The following PRPF6 variants were observed in gnomAD, a reference collection of about 807,000 sequenced individuals.
PRPF6 encodes pre-mRNA-processing factor 6.
A neutral mutation model predicts 118.3 loss-of-function variants in PRPF6; 42 were observed. The observed-to-expected ratio is 0.35, with a 90% CI of 0.28 to 0.46. The LOEUF (loss-of-function observed/expected upper bound fraction) is 0.46, where lower values mean the gene tolerates loss of function less well. Among genes scored for constraint, PRPF6 ranks in the 20% least tolerant of loss-of-function variants. PRPF6 has a pLI of 1.00. For missense variants in PRPF6, 662 were observed against 1,255.7 expected, an observed-to-expected ratio of 0.53 and a Z score of 7.15; for synonymous variants, 481 against 485.1, an observed-to-expected ratio of 0.99 and a Z score of 0.11.
chr20:63,998,820 C>G (rs917695123), intron 6 of PRPF6, among the ~76,000 whole-genome samples: 1 of 146,986 alleles, frequency 6.8e-6, no homozygotes, highest in Admixed American at 6.9e-5. Context: ...CCAGCCTGGG[C>G]GACAGAGCGA....
chr20:64,033,014 G>A lies in PRPF6; in HGVS notation c.*21G>A. On this transcript the variant is annotated 3_prime_UTR_variant, in exon 21 of 21. Transcript: ENST00000266079. ...TCTGATTGAGCGGTTGCCATGGCCG[G>A]TCTCCGTGGGGCAGGGTTGGGCCGC... 3 of 1,612,884 alleles carry A rather than the reference G, an allele frequency of 1.9e-6. No individual in the cohort carries two copies. The highest frequency in any genetic ancestry group is 2.2e-5 in the East Asian group (1 of 44,886).
At chr20:63,987,335 T>C (rs1161010139) in intron 3 of PRPF6, among the ~76,000 whole-genome samples, 2 of 151,858 alleles carry the variant, frequency 1.3e-5, no homozygotes, top group Admixed American at 6.6e-5. Context: ...GGTAAAACCC[T>C]GTCTCTACTA....
At chr20:64,008,750 T>C (rs1259949972) in intron 9 of PRPF6, among the ~76,000 whole-genome samples, 1 of 152,230 alleles carries the variant, frequency 6.6e-6, no homozygotes, top group Non-Finnish European at 1.5e-5. Context: ...CTTTCAACTT[T>C]CGGGATGATG....
chr20:63,983,243 C>T (rs1412060133), intron 2 of PRPF6, 28 bp downstream of exon 2: 5 of 1,613,884 alleles, frequency 3.1e-6, no homozygotes, highest in Non-Finnish European at 4.2e-6. Context: ...TTCGTGGCTC[C>T]TCCAGCCAGT....
At position 64,001,127 on chromosome 20, in the gene PRPF6, C is replaced by G. The variant is rs904577553; in HGVS notation, c.1074C>G (p.Ala358=). The change falls in exon 9 of 21, where the codon GCC becomes GCG. Residue 358 remains alanine (A), a synonymous_variant. Transcript: ENST00000266079. ...CCAGGTTGCAGCCTGGGGACACAGC[C>G]AAGGCCGTGGTAGCCCAAGCTGTCC... ...EAARLQPGDT[A]KAVVAQAVRH... is the part of the protein sequence containing the mutation. The G allele has an allele frequency of 2.5e-6, 4 of 1,614,080 alleles. No individual in the cohort carries two copies. The highest frequency in any genetic ancestry group is 2.7e-5 in the African/African-American group (2 of 74,942).
chr20:64,025,434 G>A (rs1212093070), intron 14 of PRPF6, among the ~76,000 whole-genome samples: 2 of 152,344 alleles, frequency 1.3e-5, no homozygotes, highest in East Asian at 3.9e-4. Flanking sequence ...ACTGGGCTCT[G>A]GGCTGTGTGA....
intron 9 of PRPF6, among the ~76,000 whole-genome samples, chr20:64,003,088 G>A (rs2059175137): frequency 6.6e-6 from 1 of 151,972 alleles, no homozygotes; most frequent in South Asian, 2.1e-4. Flanking sequence ...GGGAGTATAG[G>A]TCCCACCCCC....
At chr20:63,995,267 T>G in intron 5 of PRPF6, 60 bp from the exon 6 acceptor site, 2 of 1,576,686 alleles carry the variant, frequency 1.3e-6, no homozygotes, top group Non-Finnish European at 1.7e-6. Flanking sequence ...GAGAGTAAAT[T>G]TCTTGGGCAT....
intron 6 of PRPF6, 64 bp downstream of exon 6, chr20:63,995,546 C>G: frequency 6.3e-7 from 1 of 1,584,200 alleles, no homozygotes; most frequent in Non-Finnish European, 8.6e-7. Context: ...GTTTTGTTTT[C>G]TTTTTCTCCT....
intron 9 of PRPF6, among the ~76,000 whole-genome samples, chr20:64,007,983 G>GC (rs2059198253): frequency 2.6e-5 from 4 of 152,124 alleles, no homozygotes; most frequent in Non-Finnish European, 5.9e-5. Flanking sequence ...CACTGTGTTG[G>GC]CCACGCTGGT....
At chr20:64,020,385 C>T (rs1277464682) in intron 12 of PRPF6, among the ~76,000 whole-genome samples, 4 of 152,078 alleles carry the variant, frequency 2.6e-5, no homozygotes, top group African/African-American at 9.7e-5. Flanking sequence ...CACTGCACTC[C>T]AGCCTGGGTG....
Position 63,988,061 on chromosome 20 carries a change from T to G in PRPF6, c.359+3036T>G, listed in dbSNP as rs115028765. On this transcript the variant is annotated intron_variant, in intron 3 of 20. Coordinates refer to ENST00000266079, the MANE Select transcript of PRPF6 (RefSeq NM_012469.4). ...GTTGCCAGGCGCTGGGACTCACGCC[T>G]GTAATCCCAGCACCTTGGGAGAGTG... is the stretch of plus-strand genomic sequence containing the variant. Among the ~76,000 whole-genome samples the G allele has an allele frequency of 4.0e-3, 614 of 152,026 alleles. 2 individuals are homozygous for G. Among genetic ancestry groups the G allele is most frequent in the African/African-American group, 0.014 (586 of 41,470 alleles).
At chr20:63,995,611 T>C in intron 6 of PRPF6, 129 bp downstream of exon 6, 4 of 1,085,270 alleles carry the variant, frequency 3.7e-6, no homozygotes, top group Non-Finnish European at 3.9e-6. Flanking sequence ...TTCTTCTCCT[T>C]CTCCTTTTTT....
intron 11 of PRPF6, among the ~76,000 whole-genome samples, chr20:64,016,115 C>T (rs1222698559): frequency 6.7e-6 from 1 of 148,538 alleles, no homozygotes; most frequent in East Asian, 1.9e-4. Context: ...GAGACCTTGA[C>T]TCTCTCTCTT....
Position 64,027,911 on chromosome 20 carries a change from C to CT in PRPF6, c.2339+176dup, listed in dbSNP as rs1382820642. On this transcript the variant is annotated intron_variant, in intron 17 of 20. Coordinates refer to ENST00000266079, the MANE Select transcript of PRPF6 (RefSeq NM_012469.4). The surrounding 1 kb of genome is among the most constrained non-coding windows in gnomAD (Gnocchi z 6.5). ...GGTCCCTGCCTTAGGAGAGTTCGGC[C>CT]TAGGTACTGTGACAGGCCTGTAGAT... is the stretch of plus-strand genomic sequence containing the variant. 3.9e-5 allele frequency among the ~76,000 whole-genome samples: 6 copies of CT among 152,138 alleles called. No individual in the cohort carries two copies. The highest frequency in any genetic ancestry group is 1.4e-4 in the African/African-American group (6 of 41,420).
intron 6 of PRPF6, 45 bp downstream of exon 6, chr20:63,995,527 TTTAA>T: frequency 6.2e-7 from 1 of 1,610,988 alleles, no homozygotes; most frequent in Non-Finnish European, 8.5e-7. Context: ...GTTTAGACAG[TTTAA>T]TTTTGTTTTG....
At chr20:64,021,988 CTG>C (rs111363019) in intron 12 of PRPF6, among the ~76,000 whole-genome samples, 6,692 of 135,080 alleles carry the variant, frequency 0.05, 308 homozygotes, top group Admixed American at 0.15. Context: ...GGCCACAGCC[CTG>C]TGTGTGTGTG....
In PRPF6 at chr20:64,011,238, C is replaced by A; in HGVS notation, c.1306-47C>A. On this transcript the variant is annotated intron_variant, in intron 10 of 20. Transcript: ENST00000266079. The surrounding 1 kb of genome is among the most constrained non-coding windows in gnomAD (Gnocchi z 6.7). ...GGTCGCTGTCTGGCCTGCAGCTGTC[C>A]CCCCAGCACAGTGTCCTCTCCTTTT... is the stretch of plus-strand genomic sequence containing the variant. 1 of 1,583,208 alleles carries A rather than the reference C, an allele frequency of 6.3e-7. No individual in the cohort carries two copies. The highest frequency in any genetic ancestry group is 8.7e-7 in the Non-Finnish European group (1 of 1,154,294).
chr20:64,011,366 G>C lies in PRPF6; in HGVS notation c.1387G>C (p.Asp463His), dbSNP rs767470219. ...LNKARENIPT[D>H]RHIWITAAKL... ...CAAGGCGCGGGAGAACATTCCTACA[G>C]ACCGACATATCTGGATCACGGCTGC... The change falls in exon 11 of 21, where the codon GAC becomes CAC. Residue 463 changes from aspartate to histidine, a missense_variant. Asp to His is a moderately conservative substitution (Grantham distance 81). Coordinates refer to ENST00000266079, the MANE Select transcript of PRPF6 (RefSeq NM_012469.4). The surrounding 1 kb of genome is among the most constrained non-coding windows in gnomAD (Gnocchi z 6.7). The C allele has an allele frequency of 6.2e-7, 1 of 1,614,194 alleles. No homozygotes were observed. Among genetic ancestry groups the C allele is most frequent in the South Asian group, 1.1e-5 (1 of 91,072 alleles).
Sources: gnomAD v4.1 joint callset for allele counts (sites outside exome capture counted in the v4.1 genomes callset) on GRCh38, gnomAD v4.1.1 for gene constraint, Gnocchi (gnomAD v3.1) non-coding constraint, MANE v1.5 for transcripts, NCBI Gene and HGNC (gene_info 2026-07-23, HGNC 2026-07-21) for gene names.